Variants in C1QTNF2 observed in about 807,000 individuals in gnomAD.
C1QTNF2 encodes the protein complement C1q tumor necrosis factor-related protein 2.
Under a neutral mutation model 17.4 loss-of-function variants are expected in C1QTNF2, and 15 were observed. The ratio of observed to expected loss-of-function variants is 0.86; its 90% CI spans 0.58 to 1.33. C1QTNF2 has a LOEUF of 1.33. Among genes scored for constraint, C1QTNF2 ranks in the 40% most tolerant of loss-of-function variants. The pLI is 0.00. For missense variants in C1QTNF2, 381 were observed against 392.3 expected (o/e 0.97, Z 0.24); for synonymous variants, 154 against 163.3 (o/e 0.94, Z 0.44).
intron 1 of C1QTNF2, among the ~76,000 whole-genome samples, chr5:160,360,341 C>G (rs1270155694): frequency 6.6e-6 from 1 of 152,212 alleles, no homozygotes; most frequent in Non-Finnish European, 1.5e-5. Flanking sequence ...GAGACGCAGA[C>G]TCTGCCCTCA....
In C1QTNF2 at chr5:160,349,165, T is replaced by A; in HGVS notation, c.*3A>T. The A allele has an allele frequency of 1.2e-6, 2 of 1,604,332 alleles. No individual in the cohort carries two copies. The highest frequency in any genetic ancestry group is 8.5e-7 in the Non-Finnish European group (1 of 1,173,432). Reference sequence around the variant, plus strand: ...CCCTGCCTGGAGGACCGCCGTGGCATGTCTATACCTCGTTGGGGTCATCCT... The same window carrying A: ...CCCTGCCTGGAGGACCGCCGTGGCAAGTCTATACCTCGTTGGGGTCATCCT... On this transcript the variant is annotated 3_prime_UTR_variant, in exon 3 of 3. Transcript: ENST00000652664. This position sits in a 1 kb window ranked among gnomAD's most constrained non-coding sequence, Gnocchi z 4.3.
intron 1 of C1QTNF2, among the ~76,000 whole-genome samples, chr5:160,358,596 G>A (rs1764094681): frequency 1.3e-5 from 2 of 151,704 alleles, no homozygotes; most frequent in Admixed American, 1.3e-4. Context: ...TCTGTCCCAA[G>A]TAGGTGGACC....
intron 1 of C1QTNF2, among the ~76,000 whole-genome samples, chr5:160,368,885 C>G (rs1467229377): frequency 1.3e-5 from 2 of 152,148 alleles, no homozygotes; most frequent in African/African-American, 4.8e-5. Flanking sequence ...TGGCTTCAAA[C>G]GTGACTCCAG....
Position 160,349,373 on chromosome 5 carries a change from T to C in C1QTNF2, c.653A>G (p.Tyr218Cys), listed in dbSNP as rs772313181. 3.1e-6 allele frequency: 5 copies of C among 1,614,092 alleles called. No individual in the cohort carries two copies. Among genetic ancestry groups the C allele is most frequent in the Non-Finnish European group, 4.2e-6 (5 of 1,180,004 alleles). The change falls in exon 3 of 3, where the codon TAC (tyrosine) becomes TGC (cysteine). Residue 218 changes from tyrosine to cysteine, a missense_variant. By Grantham distance (194) the Tyr-to-Cys change is radical (BLOSUM62 -2). Transcript: ENST00000652664. The surrounding 1 kb of genome is among the most constrained non-coding windows in gnomAD (Gnocchi z 4.3). ...LAIGLVHNGQ[Y>C]RIRTFDANTG... is the part of the protein sequence containing the mutation. ...GTTGGCATCAAAGGTCCGGATGCGG[T>C]ACTGGCCGTTGTGCACCAGGCCGAT...
At position 160,349,103 on chromosome 5, in the gene C1QTNF2, G is replaced by T; in HGVS notation, c.*65C>A. 6.5e-7 allele frequency: 1 copy of T among 1,535,048 alleles called. No homozygotes were observed. Among genetic ancestry groups the T allele is most frequent in the South Asian group, 1.3e-5 (1 of 77,498 alleles). On this transcript the variant is annotated 3_prime_UTR_variant, in exon 3 of 3. Coordinates refer to ENST00000652664, the MANE Select transcript of C1QTNF2 (RefSeq NM_031908.6). This position sits in a 1 kb window ranked among gnomAD's most constrained non-coding sequence, Gnocchi z 4.3. ...CCCCCACCCCCAGCCTACAGTTGTG[G>T]GGTCTTGCTCTGTAAGCCCAAGTCC...
chr5:160,367,873 T>TC (rs1258080174), intron 1 of C1QTNF2, among the ~76,000 whole-genome samples: 1 of 152,240 alleles, frequency 6.6e-6, no homozygotes, highest in Admixed American at 6.5e-5. Context: ...GTAATGATTC[T>TC]CCATGTATGT....
intron 1 of C1QTNF2, among the ~76,000 whole-genome samples, chr5:160,358,145 C>T (rs188452045): frequency 4.4e-4 from 67 of 152,352 alleles, no homozygotes; most frequent in African/African-American, 1.5e-3. Context: ...GAAGCGTTTT[C>T]TGAACTGGAG....
At chr5:160,364,808 C>T (rs563710218) in intron 1 of C1QTNF2, among the ~76,000 whole-genome samples, 51 of 151,590 alleles carry the variant, frequency 3.4e-4, no homozygotes, top group African/African-American at 1.1e-3. Flanking sequence ...CTTTGAGCCA[C>T]CTGGCGTGTC....
At chr5:160,364,852 G>C (rs957455901) in intron 1 of C1QTNF2, among the ~76,000 whole-genome samples, 1 of 152,160 alleles carries the variant, frequency 6.6e-6, no homozygotes, top group East Asian at 1.9e-4. Context: ...GGGAAGAAGC[G>C]GGATGGTGCT....
chr5:160,362,356 G>T (rs570773886), intron 1 of C1QTNF2, among the ~76,000 whole-genome samples: 19 of 152,110 alleles, frequency 1.2e-4, no homozygotes, highest in African/African-American at 4.3e-4. Context: ...TGGCACCACA[G>T]TTCCGGGAAA....
At chr5:160,356,011 C>T (rs1267435047) in intron 1 of C1QTNF2, among the ~76,000 whole-genome samples, 6 of 152,208 alleles carry the variant, frequency 3.9e-5, no homozygotes, top group Non-Finnish European at 8.8e-5. Context: ...TAGACCGTGT[C>T]CTTAAGGCTG....
intron 1 of C1QTNF2, among the ~76,000 whole-genome samples, chr5:160,366,190 T>A (rs1184626604): frequency 2.0e-5 from 3 of 152,190 alleles, no homozygotes; most frequent in Non-Finnish European, 4.4e-5. Context: ...CACTTATGAG[T>A]GAGAACATAC....
At chr5:160,357,417 T>C (rs377119960) in intron 1 of C1QTNF2, among the ~76,000 whole-genome samples, 2 of 152,082 alleles carry the variant, frequency 1.3e-5, no homozygotes, top group African/African-American at 2.4e-5. Context: ...ATAGTAGAGA[T>C]GGTAGGCAGG....
Position 160,365,909 on chromosome 5 carries a change from G to A in C1QTNF2, c.-10+4603C>T, listed in dbSNP as rs1413779169. Among the ~76,000 whole-genome samples the A allele has an allele frequency of 2.0e-5, 3 of 152,184 alleles. No homozygotes were observed. The East Asian group carries it at 5.8e-4, about 29-fold the overall frequency. On this transcript the variant is annotated intron_variant, in intron 1 of 2. Coordinates refer to ENST00000652664, the MANE Select transcript of C1QTNF2 (RefSeq NM_031908.6). ...CCACATAACAGCACTGTCCTAACAG[G>A]TAATCAGAAATATCTACCATTCTTC...
At chr5:160,351,933 T>C (rs1346453272) in intron 2 of C1QTNF2, among the ~76,000 whole-genome samples, 2 of 148,734 alleles carry the variant, frequency 1.3e-5, no homozygotes, top group Non-Finnish European at 3.0e-5. Flanking sequence ...TTTTTAAAGA[T>C]AGAGTCTCAC....
chr5:160,362,316 G>A (rs1228606310), intron 1 of C1QTNF2, among the ~76,000 whole-genome samples: 3 of 152,132 alleles, frequency 2.0e-5, no homozygotes, highest in Non-Finnish European at 4.4e-5. Context: ...CGACAGCTCC[G>A]AGAACACCCA....
Position 160,354,893 on chromosome 5 carries a change from C to A in C1QTNF2, c.119G>T (p.Gly40Val). Reference protein sequence around the residue: ...GSPQLVCSLPGPQGPPGPPGA... With the variant: ...GSPQLVCSLPVPQGPPGPPGA... ...TGGGGGGCCGGGTGGGCCCTGGGGGCCAGGCAGGCTGCAGACCAGTTGAGG... is the reference window on the plus strand; with the variant it reads ...TGGGGGGCCGGGTGGGCCCTGGGGGACAGGCAGGCTGCAGACCAGTTGAGG... Residue 40 changes from glycine to valine, a missense_variant, in exon 2 of 3, where the codon GGC (glycine) becomes GTC (valine). Physicochemically the swap from Gly to Val is moderately radical, Grantham distance 109. Transcript: ENST00000652664. The A allele has an allele frequency of 6.2e-7, 1 of 1,604,534 alleles. No homozygotes were observed. Among genetic ancestry groups the A allele is most frequent in the African/African-American group, 1.3e-5 (1 of 74,924 alleles).
Position 160,349,311 on chromosome 5 carries a change from G to C in C1QTNF2, c.715C>G (p.Leu239Val). 1 of 1,614,184 alleles carries C rather than the reference G, an allele frequency of 6.2e-7. No homozygotes were observed. The highest frequency in any genetic ancestry group is 8.5e-7 in the Non-Finnish European group (1 of 1,180,042). ...NHDVASGSTI[L>V]ALKQGDEVWL... Reference sequence around the variant, plus strand: ...ACTTCGTCACCCTGCTTGAGAGCCAGGATGGTGGAGCCTGAGGCCACATCG... The same window carrying C: ...ACTTCGTCACCCTGCTTGAGAGCCACGATGGTGGAGCCTGAGGCCACATCG... The change falls in exon 3 of 3, where the codon CTG (leucine) becomes GTG (valine). Residue 239 changes from leucine (L) to valine (V), a missense_variant. By Grantham distance (32) the Leu-to-Val change is conservative. Coordinates refer to ENST00000652664, the MANE Select transcript of C1QTNF2 (RefSeq NM_031908.6). This position sits in a 1 kb window ranked among gnomAD's most constrained non-coding sequence, Gnocchi z 4.3.
intron 1 of C1QTNF2, 137 bp from the exon 2 acceptor site, chr5:160,355,157 A>G (rs895142709): frequency 9.2e-6 from 13 of 1,409,398 alleles, no homozygotes; most frequent in Non-Finnish European, 1.0e-5. Context: ...CCTGCATCAC[A>G]TACAAGTAGA....
Sources: gnomAD v4.1 joint callset for allele counts (sites outside exome capture counted in the v4.1 genomes callset) on GRCh38, gnomAD v4.1.1 for gene constraint, Gnocchi (gnomAD v3.1) non-coding constraint, MANE v1.5 for transcripts, NCBI Gene and HGNC (gene_info 2026-07-23, HGNC 2026-07-21) for gene names.